Variants in SLC23A1 observed in about 807,000 individuals in gnomAD.
SLC23A1 encodes Na(+)/L-ascorbic acid transporter 1.
SLC23A1 carries 31 observed loss-of-function variants against 62.5 expected under a neutral mutation model. The ratio of observed to expected loss-of-function variants is 0.50; its 90% confidence interval spans 0.37 to 0.67. SLC23A1 has a LOEUF of 0.67. Ranked by LOEUF, SLC23A1 falls within the 30% of genes least tolerant of loss-of-function variation. SLC23A1 has a pLI of 0.00. For synonymous variants in SLC23A1, 271 were observed against 313.2 expected, an observed-to-expected ratio of 0.87 and a Z score of 1.42; for missense variants, 640 against 782.7, an observed-to-expected ratio of 0.82 and a Z score of 2.18.
chr5:139,368,932 A>G (rs1275169776), intron 14 of SLC23A1: 1 of 632,594 alleles, frequency 1.6e-6, no homozygotes, highest in Non-Finnish European at 2.8e-6. Context: ...TTAGTCTTGC[A>G]TGCTTAATAA....
At chr5:139,370,160 T>C (rs1479701674) in intron 14 of SLC23A1, among the ~76,000 whole-genome samples, 8 of 152,240 alleles carry the variant, frequency 5.3e-5, no homozygotes, top group African/African-American at 7.2e-5. Context: ...TGTACCCCAG[T>C]GTGTGGTTGG....
intron 14 of SLC23A1, among the ~76,000 whole-genome samples, chr5:139,371,399 G>C (rs1757659392): frequency 6.6e-6 from 1 of 152,234 alleles, no homozygotes; most frequent in Non-Finnish European, 1.5e-5. Context: ...CTGCATTACA[G>C]ATAGTGATGG....
At chr5:139,370,833 G>A (rs1007659252) in intron 14 of SLC23A1, among the ~76,000 whole-genome samples, 1 of 151,808 alleles carries the variant, frequency 6.6e-6, no homozygotes, top group Non-Finnish European at 1.5e-5. Flanking sequence ...GCTCACGCCT[G>A]TAATCCCAGT....
At chr5:139,383,182 C>T (rs778054884) in intron 1 of SLC23A1, 36 bp downstream of exon 1, 1 of 275,506 alleles carries the variant, frequency 3.6e-6, no homozygotes. Flanking sequence ...CCCACCCCCC[C>T]TGCCCCCCCT....
chr5:139,380,181 C>A (rs2152071202), intron 6 of SLC23A1, 27 bp downstream of exon 6: 1 of 1,555,712 alleles, frequency 6.4e-7, no homozygotes, highest in Non-Finnish European at 8.7e-7. Context: ...TGGGGCTGGG[C>A]AGGGATCAGG....
intron 6 of SLC23A1, 29 bp downstream of exon 6, chr5:139,380,179 G>T (rs1352563206): frequency 4.5e-6 from 7 of 1,556,244 alleles, no homozygotes; most frequent in Non-Finnish European, 6.1e-6. Flanking sequence ...GCTGGGGCTG[G>T]GCAGGGATCA....
intron 14 of SLC23A1, chr5:139,368,804 C>CGG: frequency 6.2e-7 from 1 of 1,602,562 alleles, no homozygotes; most frequent in Non-Finnish European, 8.5e-7. Flanking sequence ...TTTGAGTAGA[C>CGG]GGGGCCCTCT....
At chr5:139,383,906 G>A (rs951538864), upstream of SLC23A1, among the ~76,000 whole-genome samples, 2 of 152,176 alleles carry the variant, frequency 1.3e-5, no homozygotes, top group African/African-American at 2.4e-5. Context: ...ACCCCTCAGG[G>A]TCCCTGAGGC....
At chr5:139,382,355 C>A in intron 2 of SLC23A1, 137 bp downstream of exon 2, 1 of 610,674 alleles carries the variant, frequency 1.6e-6, no homozygotes. Flanking sequence ...CTCTTCCCGA[C>A]TCCTGCTTGC....
At position 139,381,872 on chromosome 5, in the gene SLC23A1, TG is replaced by T. The variant is rs912986436; in HGVS notation, c.308+19del. 2.5e-6 allele frequency: 3 copies of T among 1,215,680 alleles called. No homozygotes were observed. Among genetic ancestry groups the T allele is most frequent in the African/African-American group, 1.9e-5 (1 of 51,334 alleles). The allele number at this position is 1,215,680 out of a possible 1,614,324, so 75.3% of individuals were successfully genotyped here. The stretch of plus-strand genomic sequence containing the variant: ...AGTGGAGGGGTGGCGGGGGACGGGT[TG>T]GGGGGCTGGGCGGCTCACCGGATGC... On this transcript the variant is annotated intron_variant, in intron 3 of 14. Transcript: ENST00000348729.
At position 139,378,910 on chromosome 5, in the gene SLC23A1, C is replaced by T. The variant is rs1232907423; in HGVS notation, c.1074-226G>A. On this transcript the variant is annotated intron_variant, in intron 9 of 14. Coordinates refer to ENST00000348729, the MANE Select transcript of SLC23A1 (RefSeq NM_005847.5). This position sits in a 1 kb window ranked among gnomAD's most constrained non-coding sequence, Gnocchi z 4.5. Reference sequence around the variant, plus strand: ...TTCAATTTCCTCCTGGGATAAATACCGGTGCCCGTCTCACAAAATGCTTCA... The same window carrying T: ...TTCAATTTCCTCCTGGGATAAATACTGGTGCCCGTCTCACAAAATGCTTCA... 6.6e-6 allele frequency among the ~76,000 whole-genome samples: 1 copy of T among 152,160 alleles called. No homozygotes were observed. The highest frequency in any genetic ancestry group is 2.4e-5 in the African/African-American group (1 of 41,434).
Position 139,374,459 on chromosome 5 carries a change from C to CA in SLC23A1, c.1550-2207dup, listed in dbSNP as rs891938760. On this transcript the variant is annotated intron_variant, in intron 13 of 14. Transcript: ENST00000348729. ...CTCAAAAACAAAACAAACAAACAAA[C>CA]AAAAAAAACAAATGCAAAATGGCCC... 1.4e-3 allele frequency among the ~76,000 whole-genome samples: 216 copies of CA among 151,916 alleles called. 6 individuals are homozygous for CA. Among genetic ancestry groups the CA allele is most frequent in the Admixed American group, 2.0e-3 (30 of 15,252 alleles).
rs1346706510 is a variant in SLC23A1, at chr5:139,378,911, G to A, written c.1074-227C>T. Among the ~76,000 whole-genome samples the A allele has an allele frequency of 6.6e-6, 1 of 152,080 alleles. No individual in the cohort carries two copies. Among genetic ancestry groups the A allele is most frequent in the Non-Finnish European group, 1.5e-5 (1 of 68,010 alleles). On this transcript the variant is annotated intron_variant, in intron 9 of 14. Coordinates refer to ENST00000348729, the MANE Select transcript of SLC23A1 (RefSeq NM_005847.5). The surrounding 1 kb of genome is among the most constrained non-coding windows in gnomAD (Gnocchi z 4.5). ...TCAATTTCCTCCTGGGATAAATACC[G>A]GTGCCCGTCTCACAAAATGCTTCAA...
In SLC23A1 at chr5:139,380,378, T is replaced by G; in HGVS notation, c.477A>C (p.Ala159=). ...WHPRIREVQG[A]IMVSSVVEVV... ...CCTCCACCACGCTGGACACCATGAT[T>G]GCACCCTGGACCTGGAAGGGCAAAC... The change falls in exon 6 of 15, where the codon GCA becomes GCC. Residue 159 remains alanine, a synonymous_variant. Coordinates refer to ENST00000348729, the MANE Select transcript of SLC23A1 (RefSeq NM_005847.5). The G allele has an allele frequency of 6.2e-7, 1 of 1,613,396 alleles. No individual in the cohort carries two copies. The highest frequency in any genetic ancestry group is 8.5e-7 in the Non-Finnish European group (1 of 1,179,764).
Position 139,379,396 on chromosome 5 carries a change from A to T in SLC23A1, c.926-42T>A. On this transcript the variant is annotated intron_variant, in intron 8 of 14. Coordinates refer to ENST00000348729, the MANE Select transcript of SLC23A1 (RefSeq NM_005847.5). This position sits in a 1 kb window ranked among gnomAD's most constrained non-coding sequence, Gnocchi z 4.7. Reference sequence around the variant, plus strand: ...ACAGGATGGTGGCTACAGTGAGGAGACTGTGATGGTTAGGAATAGACAGGG... The same window carrying T: ...ACAGGATGGTGGCTACAGTGAGGAGTCTGTGATGGTTAGGAATAGACAGGG... The T allele has an allele frequency of 6.2e-7, 1 of 1,601,686 alleles. No individual in the cohort carries two copies. The highest frequency in any genetic ancestry group is 8.6e-7 in the Non-Finnish European group (1 of 1,169,186).
At position 139,378,415 on chromosome 5, in the gene SLC23A1, G is replaced by T; in HGVS notation, c.1180-64C>A. Reference sequence around the variant, plus strand: ...AGGCTGGGGCGGGGTTAGTTCCAGGGGCGGGGCCTGTTATAAGAGCGAGGC... The same window carrying T: ...AGGCTGGGGCGGGGTTAGTTCCAGGTGCGGGGCCTGTTATAAGAGCGAGGC... On this transcript the variant is annotated intron_variant, in intron 10 of 14. Transcript: ENST00000348729. This position sits in a 1 kb window ranked among gnomAD's most constrained non-coding sequence, Gnocchi z 4.5. 6.5e-7 allele frequency: 1 copy of T among 1,527,002 alleles called. No individual in the cohort carries two copies. Among genetic ancestry groups the T allele is most frequent in the Non-Finnish European group, 8.8e-7 (1 of 1,130,946 alleles). The allele number at this position is 1,527,002 out of a possible 1,614,324, so 94.6% of individuals were successfully genotyped here. A position where few individuals can be genotyped will look rare whatever the true frequency, so the allele number is the denominator to read the frequency against.
chr5:139,368,139 T>C (rs1757396575), intron 14 of SLC23A1, among the ~76,000 whole-genome samples: 1 of 152,060 alleles, frequency 6.6e-6, no homozygotes, highest in Non-Finnish European at 1.5e-5. Context: ...ATCGAGACCA[T>C]CCTGGCTAAC....
chr5:139,378,270 C>A lies in SLC23A1; in HGVS notation c.1261G>T (p.Ala421Ser), dbSNP rs6596474. 1.7e-4 allele frequency: 271 copies of A among 1,607,332 alleles called. 1 individual carries two copies. In the African/African-American group the frequency reaches 3.3e-3, roughly 20 times the overall value. The change falls in exon 11 of 15, where the codon GCC becomes TCC. Residue 421 changes from alanine to serine, a missense_variant. Coordinates refer to ENST00000348729, the MANE Select transcript of SLC23A1 (RefSeq NM_005847.5). This position sits in a 1 kb window ranked among gnomAD's most constrained non-coding sequence, Gnocchi z 4.5. ...GTIGKFTALF[A>S]SLPDPILGGM... Reference sequence around the variant, plus strand: ...CCCAGGATGGGGTCAGGGAGCGAGGCGAAGAGGGCCGTGAACTTGCCGATG... The same window carrying A: ...CCCAGGATGGGGTCAGGGAGCGAGGAGAAGAGGGCCGTGAACTTGCCGATG...
At position 139,379,149 on chromosome 5, in the gene SLC23A1, G is replaced by A; in HGVS notation, c.1073+58C>T. ...CCCTGGGCCTCCACCCCGTTCCTGT[G>A]TGTGCTTCCTGGGTGGCGCCTGAGG... is the stretch of plus-strand genomic sequence containing the variant. On this transcript the variant is annotated intron_variant, in intron 9 of 14. Transcript: ENST00000348729. This position sits in a 1 kb window ranked among gnomAD's most constrained non-coding sequence, Gnocchi z 4.7. 1 of 1,580,372 alleles carries A rather than the reference G, an allele frequency of 6.3e-7. No homozygotes were observed. The highest frequency in any genetic ancestry group is 8.7e-7 in the Non-Finnish European group (1 of 1,152,310).
Sources: gnomAD v4.1 joint callset for allele counts (sites outside exome capture counted in the v4.1 genomes callset) on GRCh38, gnomAD v4.1.1 for gene constraint, Gnocchi (gnomAD v3.1) non-coding constraint, MANE v1.5 for transcripts, NCBI Gene and HGNC (gene_info 2026-07-23, HGNC 2026-07-21) for gene names.